The following ZFYVE26 variants were observed in gnomAD, a reference collection of about 807,000 sequenced individuals.
ZFYVE26 encodes the protein zinc finger FYVE-type containing 26.
ZFYVE26 carries 181 observed loss-of-function variants against 276.5 expected under a neutral mutation model. The observed-to-expected ratio is 0.65, with a 90% CI of 0.58 to 0.74. ZFYVE26 has a LOEUF of 0.74. ZFYVE26 is among the 30% of genes least tolerant of loss of function. The probability of loss-of-function intolerance (pLI) is 0.00; values close to 1 mark genes in which losing one functional copy is unlikely to be tolerated. For synonymous variants in ZFYVE26, 1,129 were observed against 1,203.1 expected, an observed-to-expected ratio of 0.94 and a Z score of 1.27; for missense variants, 2,821 against 3,097.9, an observed-to-expected ratio of 0.91 and a Z score of 2.12.
At position 67,783,133 on chromosome 14, in the gene ZFYVE26, C is replaced by T. The variant is rs144416809; in HGVS notation, c.4019G>A (p.Arg1340His). The change falls in exon 21 of 42, where the codon CGT (arginine) becomes CAT (histidine). Residue 1340 changes from arginine to histidine, a missense_variant. Coordinates refer to ENST00000347230, the MANE Select transcript of ZFYVE26 (RefSeq NM_015346.4). ...AGCCAGAGGCACCTCCCTGCGGCCA[C>T]GAAGTTCCTTCCATGACAAGCTGGG... ...SKPSLSWKEL[R>H]GRREVPLAAE... 3.4e-5 allele frequency: 54 copies of T among 1,608,192 alleles called. No homozygotes were observed. In the South Asian group the frequency reaches 4.6e-4, roughly 14 times the overall value.
At position 67,798,090 on chromosome 14, in the gene ZFYVE26, G is replaced by A. The variant is rs760456452; in HGVS notation, c.2172C>T (p.Ser724=). The change falls in exon 11 of 42, where the codon AGC becomes AGT. Residue 724 remains serine, a synonymous_variant. Coordinates refer to ENST00000347230, the MANE Select transcript of ZFYVE26 (RefSeq NM_015346.4). ...CAACCTTGGAAAGTCGATGCAGGCG[G>A]CTCTGCAGTCCATCTCTGCTTCCTG... is the stretch of plus-strand genomic sequence containing the variant. ...SCSGSRDGLQ[S]RLHRLSKVVS... 2.5e-6 allele frequency: 4 copies of A among 1,614,028 alleles called. No homozygotes were observed. Among genetic ancestry groups the A allele is most frequent in the Non-Finnish European group, 3.4e-6 (4 of 1,180,028 alleles).
intron 12 of ZFYVE26, chr14:67,797,096 T>C (rs999030354): frequency 1.3e-5 from 2 of 156,964 alleles, no homozygotes; most frequent in Admixed American, 1.2e-4. Context: ...TTAATATTAA[T>C]CCCTATAGAA....
At position 67,753,697 on chromosome 14, in the gene ZFYVE26, C is replaced by A. The variant is rs551275325; in HGVS notation, c.7188+10G>T. The A allele has an allele frequency of 1.2e-6, 2 of 1,612,916 alleles. No homozygotes were observed. Among genetic ancestry groups the A allele is most frequent in the Admixed American group, 3.3e-5 (2 of 59,962 alleles). ...TGTCCTCAGTATGATTTGAATGATC[C>A]AAGTCATACCTGCAGAACACGGAAA... On this transcript the variant is annotated intron_variant, in intron 39 of 41. Coordinates refer to ENST00000347230, the MANE Select transcript of ZFYVE26 (RefSeq NM_015346.4).
rs375202089 is a variant in ZFYVE26 at position 67,752,484 on chromosome 14, G to A, written c.7231C>T (p.Arg2411Cys). Reference sequence around the variant, plus strand: ...TACTTCTCTTTCTCCACCAACTGGCGGGCAGCTCTGCAGTAGGTCATGGCA... The same window carrying A: ...TACTTCTCTTTCTCCACCAACTGGCAGGCAGCTCTGCAGTAGGTCATGGCA... ...DAAMTYCRAA[R>C]QLVEKEKYSE... The change falls in exon 40 of 42, where the codon CGC becomes TGC. Residue 2411 changes from arginine (R) to cysteine (C), a missense_variant. Transcript: ENST00000347230. 63 of 1,614,118 alleles carry A rather than the reference G, an allele frequency of 3.9e-5. No individual in the cohort carries two copies. Among genetic ancestry groups the A allele is most frequent in the Middle Eastern group, 1.6e-4 (1 of 6,062 alleles).
intron 35 of ZFYVE26, among the ~76,000 whole-genome samples, chr14:67,757,241 CTGTT>C (rs1156930702): frequency 6.6e-6 from 1 of 152,246 alleles, no homozygotes; most frequent in East Asian, 1.9e-4. Context: ...GCCCAAGTGA[CTGTT>C]GAAACTGAAG....
chr14:67,804,252 T>C lies in ZFYVE26; in HGVS notation c.1284A>G (p.Pro428=), dbSNP rs2140248706. ...WCIQQSSNPI[P]KRDLLYHLHG... is the part of the protein sequence containing the mutation. ...GTAAATGATACAACAGATCTCTCTT[T>C]GGTATGGGGTTGCTGAATGGAAAAG... The change falls in exon 9 of 42, where the codon CCA becomes CCG. Residue 428 remains proline, a synonymous_variant. Coordinates refer to ENST00000347230, the MANE Select transcript of ZFYVE26 (RefSeq NM_015346.4). 1 of 1,614,168 alleles carries C rather than the reference T, an allele frequency of 6.2e-7. No individual in the cohort carries two copies. Among genetic ancestry groups the C allele is most frequent in the Non-Finnish European group, 8.5e-7 (1 of 1,180,018 alleles).
At chr14:67,729,709 G>T (rs1304204303) in exon 14 of ZFYVE26, 1 of 540,090 alleles carries the variant, frequency 1.9e-6, no homozygotes. Context: ...TTAAGCTTTT[G>T]GCTCACTTGA....
rs144096870 is a variant in ZFYVE26, at chr14:67,799,166, C to G, written c.1640-544G>C. The G allele has an allele frequency of 4.2e-5, 66 of 1,572,202 alleles. 1 individual carries two copies. The East Asian group carries it at 1.4e-3, about 34-fold the overall frequency. Reference sequence around the variant, plus strand: ...TAAAAAGATATCTTTAGAGGACATTCAAGCTTTTGAAAAGACATACAAAGG... The same window carrying G: ...TAAAAAGATATCTTTAGAGGACATTGAAGCTTTTGAAAAGACATACAAAGG... On this transcript the variant is annotated intron_variant, in intron 10 of 41. Coordinates refer to ENST00000347230, the MANE Select transcript of ZFYVE26 (RefSeq NM_015346.4).
chr14:67,807,543 G>T lies in ZFYVE26; in HGVS notation c.741C>A (p.Cys247Ter). The change falls in exon 5 of 42, where the codon TGC becomes TGA. Residue 247 changes from cysteine (C) to a stop codon, truncating the protein, a stop_gained. Transcript: ENST00000347230. LOFTEE classifies it high-confidence loss of function. ...CCCGCAGGGGACTCCCCTCGGTCCT[G>T]CAGGCCTCTAGTAGTTCCTCACACA... ...HLLCEELLEACRTEGSPLREE... is the reference protein window; with the variant it reads ...HLLCEELLEA 5 of 1,614,218 alleles carry T rather than the reference G, an allele frequency of 3.1e-6. No individual in the cohort carries two copies. Among genetic ancestry groups the T allele is most frequent in the Non-Finnish European group, 4.2e-6 (5 of 1,180,024 alleles).
chr14:67,781,565 G>A lies in ZFYVE26; in HGVS notation c.4373-36C>T, dbSNP rs187853586. Reference sequence around the variant, plus strand: ...AAAAAGATGCTCAGAGGCAGCAAGCGTGGGACCAGAAGAGTTCAAGAGTCC... The same window carrying A: ...AAAAAGATGCTCAGAGGCAGCAAGCATGGGACCAGAAGAGTTCAAGAGTCC... On this transcript the variant is annotated intron_variant, in intron 21 of 41. Transcript: ENST00000347230. 6.3e-5 allele frequency: 101 copies of A among 1,598,980 alleles called. 1 individual carries two copies. In the African/African-American group the frequency reaches 1.3e-3, roughly 20 times the overall value.
intron 29 of ZFYVE26, 37 bp downstream of exon 29, chr14:67,769,557 G>C (rs1290540651): frequency 1.9e-6 from 3 of 1,609,976 alleles, no homozygotes; most frequent in Non-Finnish European, 2.5e-6. Flanking sequence ...GGGTGCAGCG[G>C]TCAATAATAG....
At chr14:67,766,578 T>TCCCAGCAC in intron 31 of ZFYVE26, 131 bp from the exon 32 acceptor site, 1 of 818,156 alleles carries the variant, frequency 1.2e-6, no homozygotes, top group Non-Finnish European at 2.0e-6. Flanking sequence ...AGGAACCAGA[T>TCCCAGCAC]TCTACAAGAA....
intron 10 of ZFYVE26, among the ~76,000 whole-genome samples, chr14:67,801,331 T>A (rs1164656484): frequency 6.6e-6 from 1 of 152,180 alleles, no homozygotes; most frequent in East Asian, 1.9e-4. Flanking sequence ...ACATTGTTCC[T>A]CATCCCTGAT....
At chr14:67,790,972 T>C (rs2039798910) in intron 14 of ZFYVE26, among the ~76,000 whole-genome samples, 199 bp from the exon 15 acceptor site, 2 of 152,148 alleles carry the variant, frequency 1.3e-5, no homozygotes, top group African/African-American at 4.8e-5. Flanking sequence ...CACCAAAGCC[T>C]CAGTAGAAAA....
At chr14:67,774,295 T>C (rs1485004325) in intron 27 of ZFYVE26, among the ~76,000 whole-genome samples, 5 of 152,212 alleles carry the variant, frequency 3.3e-5, no homozygotes, top group Admixed American at 3.3e-4. Context: ...CACCTGTGGT[T>C]CGAGACCAGT....
chr14:67,786,262 C>CAAAAAAAAATA, intron 16 of ZFYVE26, 29 bp from the exon 17 acceptor site: 1 of 1,281,226 alleles, frequency 7.8e-7, no homozygotes, highest in Non-Finnish European at 1.0e-6. Context: ...AGAGGGAATG[C>CAAAAAAAAATA]AAAAAAAAAA....
intron 12 of ZFYVE26, 192 bp downstream of exon 12, chr14:67,797,480 T>C: frequency 3.0e-6 from 2 of 671,382 alleles, no homozygotes; most frequent in Non-Finnish European, 5.4e-6. Context: ...AGGATATACA[T>C]GTTTATATTG....
intron 6 of ZFYVE26, among the ~76,000 whole-genome samples, chr14:67,805,888 A>G (rs1264947447): frequency 6.6e-6 from 1 of 152,126 alleles, no homozygotes; most frequent in Admixed American, 6.5e-5. Flanking sequence ...ATTAGCCGGC[A>G]TGGTGGCACA....
chr14:67,767,977 T>G, intron 30 of ZFYVE26, 137 bp from the exon 31 acceptor site: 1 of 1,265,458 alleles, frequency 7.9e-7, no homozygotes, highest in Non-Finnish European at 1.1e-6. Context: ...TGGTTCCTTT[T>G]GTTTGCTTTA....
Sources: allele counts gnomAD v4.1 joint callset (sites outside exome capture counted in the v4.1 genomes callset), GRCh38; gene constraint gnomAD v4.1.1; transcripts MANE v1.5; gene names NCBI Gene and HGNC (gene_info 2026-07-23, HGNC 2026-07-21).